IQCJ: variants seen among roughly 807,000 people sequenced by gnomAD.
The protein encoded by IQCJ is IQ domain-containing protein J.
In IQCJ, 9 loss-of-function variants were observed where a neutral mutation model predicts 11.0. The ratio of observed to expected loss-of-function variants is 0.82; its 90% CI spans 0.49 to 1.43. The LOEUF (loss-of-function observed/expected upper bound fraction) is 1.43, where lower values mean the gene tolerates loss of function less well. Ranked by LOEUF, IQCJ falls within the 40% of genes most tolerant of loss-of-function variation. IQCJ has a pLI of 0.00. For synonymous variants in IQCJ, 55 were observed against 51.3 expected (o/e 1.07, Z -0.31); for missense variants, 146 against 133.2 (o/e 1.10, Z -0.47).
At chr3:159,223,407 TAGTC>T (rs1202605825) in intron 1 of IQCJ, among the ~76,000 whole-genome samples, 3 of 152,304 alleles carry the variant, frequency 2.0e-5, no homozygotes, top group Admixed American at 6.5e-5. Context: ...TTATTGATCA[TAGTC>T]AGTGGTGGTA....
intron 1 of IQCJ, 153 bp downstream of exon 1, chr3:159,069,594 T>G: frequency 9.9e-7 from 1 of 1,006,156 alleles, no homozygotes; most frequent in South Asian, 1.8e-5. Context: ...TTGGTCTAGG[T>G]GCGTGTGCAT....
At chr3:159,087,766 C>G (rs1716903346) in intron 1 of IQCJ, among the ~76,000 whole-genome samples, 1 of 151,104 alleles carries the variant, frequency 6.6e-6, no homozygotes, top group Admixed American at 6.6e-5. Context: ...GTGGTGATAT[C>G]CCCTTTATCA....
At chr3:159,092,515 C>A (rs1356465708) in intron 1 of IQCJ, among the ~76,000 whole-genome samples, 1 of 151,702 alleles carries the variant, frequency 6.6e-6, no homozygotes, top group African/African-American at 2.4e-5. Context: ...CTGGCTAACA[C>A]GGTGAAACCC....
At chr3:159,136,705 G>C (rs982940822) in intron 1 of IQCJ, among the ~76,000 whole-genome samples, 2 of 152,146 alleles carry the variant, frequency 1.3e-5, no homozygotes, top group Admixed American at 1.3e-4. Context: ...TAAAATTATT[G>C]AACAAGGGCT....
At chr3:159,162,058 T>A (rs1429715848) in intron 1 of IQCJ, among the ~76,000 whole-genome samples, 2 of 152,202 alleles carry the variant, frequency 1.3e-5, no homozygotes, top group African/African-American at 2.4e-5. Context: ...TTTTTTCCAA[T>A]TCTGTGAAGA....
At chr3:159,119,764 C>A (rs1326519192) in intron 1 of IQCJ, among the ~76,000 whole-genome samples, 2 of 152,146 alleles carry the variant, frequency 1.3e-5, no homozygotes, top group Non-Finnish European at 2.9e-5. Context: ...AACTTCAATA[C>A]TGAGCCTCTC....
intron 1 of IQCJ, among the ~76,000 whole-genome samples, chr3:159,155,034 A>G (rs1721438299): frequency 6.6e-6 from 1 of 151,676 alleles, no homozygotes; most frequent in African/African-American, 2.4e-5. Flanking sequence ...GCCCAGGGAG[A>G]CTGAGACCCT....
intron 1 of IQCJ, among the ~76,000 whole-genome samples, chr3:159,178,102 A>G (rs1041760622): frequency 1.3e-5 from 2 of 152,214 alleles, no homozygotes; most frequent in Non-Finnish European, 2.9e-5. Context: ...AAGCAAATCC[A>G]AGAATGTTGT....
At chr3:159,073,361 T>G (rs993371793) in intron 1 of IQCJ, among the ~76,000 whole-genome samples, 1 of 152,044 alleles carries the variant, frequency 6.6e-6, no homozygotes. Flanking sequence ...CAAGGTGATA[T>G]CTCTACAAAA....
intron 1 of IQCJ, among the ~76,000 whole-genome samples, chr3:159,115,888 G>T (rs1463286193): frequency 6.6e-6 from 1 of 152,116 alleles, no homozygotes; most frequent in African/African-American, 2.4e-5. Flanking sequence ...CTTGGGGCAG[G>T]GGGCATGGGT....
At chr3:159,121,506 A>G (rs558828873) in intron 1 of IQCJ, among the ~76,000 whole-genome samples, 2 of 152,302 alleles carry the variant, frequency 1.3e-5, no homozygotes, top group South Asian at 2.1e-4. Context: ...CAGCCATTTG[A>G]TAATTCAGAA....
intron 1 of IQCJ, among the ~76,000 whole-genome samples, chr3:159,085,375 C>A (rs1047269266): frequency 7.2e-5 from 11 of 152,130 alleles, no homozygotes; most frequent in Non-Finnish European, 1.3e-4. Flanking sequence ...CCACAATAAA[C>A]ATACATGTGC....
At chr3:159,226,601 T>C (rs1272734115) in intron 1 of IQCJ, among the ~76,000 whole-genome samples, 1 of 152,170 alleles carries the variant, frequency 6.6e-6, no homozygotes, top group Non-Finnish European at 1.5e-5. Flanking sequence ...TCCCGTAAAT[T>C]TCTGGAACTT....
chr3:159,224,435 CCTT>C (rs1480568270), intron 1 of IQCJ, among the ~76,000 whole-genome samples: 3 of 152,090 alleles, frequency 2.0e-5, no homozygotes, highest in Non-Finnish European at 2.9e-5. Context: ...TAAGATTTGT[CCTT>C]CTTCTGTGTG....
intron 1 of IQCJ, among the ~76,000 whole-genome samples, chr3:159,245,624 G>A (rs1727223689): frequency 6.6e-6 from 1 of 151,940 alleles, no homozygotes; most frequent in African/African-American, 2.4e-5. Flanking sequence ...ACCATGCCTG[G>A]CTAATTTTTT....
intron 1 of IQCJ, 154 bp downstream of exon 1, chr3:159,069,595 G>T: frequency 9.9e-7 from 1 of 1,011,378 alleles, no homozygotes. Flanking sequence ...TGGTCTAGGT[G>T]CGTGTGCATG....
At chr3:159,212,651 A>G (rs1041613223) in intron 1 of IQCJ, among the ~76,000 whole-genome samples, 3 of 152,190 alleles carry the variant, frequency 2.0e-5, no homozygotes, top group Admixed American at 1.3e-4. Context: ...TGGGTCTCAC[A>G]GATTTCTACA....
At chr3:159,222,357 G>A (rs1725600311) in intron 1 of IQCJ, among the ~76,000 whole-genome samples, 1 of 152,138 alleles carries the variant, frequency 6.6e-6, no homozygotes, top group African/African-American at 2.4e-5. Flanking sequence ...AAATTACAAG[G>A]AGATATTGCC....
intron 1 of IQCJ, among the ~76,000 whole-genome samples, chr3:159,091,081 T>C (rs1163548557): frequency 1.3e-5 from 2 of 151,516 alleles, no homozygotes; most frequent in Non-Finnish European, 2.9e-5. Flanking sequence ...CTAACTTGAA[T>C]TTTTCTTAGG....
Sources: gnomAD v4.1 joint callset for allele counts (sites outside exome capture counted in the v4.1 genomes callset) on GRCh38, gnomAD v4.1.1 for gene constraint, MANE v1.5 for transcripts, NCBI Gene and HGNC (gene_info 2026-07-23, HGNC 2026-07-21) for gene names.